The following TSPAN1 variants were observed in gnomAD, a reference collection of about 807,000 sequenced individuals.
TSPAN1 encodes the protein tetraspanin 1.
TSPAN1 carries 23 observed loss-of-function variants against 26.9 expected under a neutral mutation model. The observed-to-expected ratio is 0.85, with a 90% confidence interval of 0.62 to 1.21. The LOEUF is 1.21. Ranked by LOEUF, TSPAN1 falls within the 50% of genes most tolerant of loss-of-function variation. The pLI is 0.00. For missense variants in TSPAN1, 283 were observed against 298.4 expected (o/e 0.95, Z 0.38); for synonymous variants, 115 against 114.8 (o/e 1.00, Z -0.01).
chr1:46,178,460 C>T (rs1657237554), intron 1 of TSPAN1, among the ~76,000 whole-genome samples: 1 of 151,576 alleles, frequency 6.6e-6, no homozygotes, highest in Non-Finnish European at 1.5e-5. Flanking sequence ...CTTCATCCTC[C>T]TTTCTGTTTG....
intron 8 of TSPAN1, 62 bp from the exon 9 acceptor site, chr1:46,185,424 G>C: frequency 6.2e-7 from 1 of 1,611,082 alleles, no homozygotes; most frequent in South Asian, 1.1e-5. Context: ...TAGGGTGTCT[G>C]TGGGACAGGC....
At chr1:46,175,893 G>C in intron 1 of TSPAN1, 1 of 341,168 alleles carries the variant, frequency 2.9e-6, no homozygotes, top group Non-Finnish European at 5.2e-6. Flanking sequence ...TTTTTCTTGA[G>C]ACAGAGTCTA....
At chr1:46,176,610 G>T (rs1571632737) in intron 1 of TSPAN1, 1 of 1,059,122 alleles carries the variant, frequency 9.4e-7, no homozygotes, top group Non-Finnish European at 1.3e-6. Flanking sequence ...CATGGGTCAG[G>T]CTCCTTCACA....
chr1:46,194,825 T>TG, the TSPAN1 span: 3 of 1,613,836 alleles, frequency 1.9e-6, 1 homozygote, highest in South Asian at 1.1e-5. Flanking sequence ...ACAGAGTGGA[T>TG]GGCCTCTGAT....
chr1:46,193,769 C>T, the TSPAN1 span: 4 of 1,598,888 alleles, frequency 2.5e-6, no homozygotes, highest in Non-Finnish European at 3.4e-6. Context: ...TATTGCCTTT[C>T]TGCCCACCTC....
chr1:46,179,872 G>C (rs141161182), intron 1 of TSPAN1, among the ~76,000 whole-genome samples: 19 of 152,248 alleles, frequency 1.2e-4, no homozygotes, highest in African/African-American at 4.6e-4. Flanking sequence ...AGAGGATTAG[G>C]AACTATTTGC....
In TSPAN1 at chr1:46,176,153, G is replaced by A. The variant is rs1182155194; in HGVS notation, c.-142+744G>A. 20 of 1,499,066 alleles carry A rather than the reference G, an allele frequency of 1.3e-5. No individual in the cohort carries two copies. The South Asian group carries it at 2.1e-4, about 16-fold the overall frequency. 92.9% of individuals were successfully genotyped at this position (1,499,066 alleles called of 1,614,324 possible). On this transcript the variant is annotated intron_variant, in intron 1 of 8. Coordinates refer to ENST00000372003, the MANE Select transcript of TSPAN1 (RefSeq NM_005727.4). The stretch of plus-strand genomic sequence containing the variant: ...GCCTCCCAAAGTGCCGGGATTACAG[G>A]CATGAGCCACCGCACCCAGCCTAGT...
At chr1:46,182,730 T>C (rs1474855523) in intron 3 of TSPAN1, among the ~76,000 whole-genome samples, 1 of 152,132 alleles carries the variant, frequency 6.6e-6, no homozygotes, top group South Asian at 2.1e-4. Flanking sequence ...GAAGCGTGGG[T>C]AGACTCTCTA....
chr1:46,175,288 A>G lies in TSPAN1; in HGVS notation c.-263A>G. ...TGCAGTTAGGAGTGTAAGGCAAGAGAGCCCCTACTTCATGGGGCAGATCAA... is the reference window on the plus strand; with the variant it reads ...TGCAGTTAGGAGTGTAAGGCAAGAGGGCCCCTACTTCATGGGGCAGATCAA... On this transcript the variant is annotated 5_prime_UTR_variant, in exon 1 of 9. Coordinates refer to ENST00000372003, the MANE Select transcript of TSPAN1 (RefSeq NM_005727.4). The G allele has an allele frequency of 3.4e-6, 1 of 291,146 alleles. No homozygotes were observed. 18.0% of individuals were successfully genotyped at this position (291,146 alleles called of 1,614,324 possible). A position where few individuals can be genotyped will look rare whatever the true frequency, so the allele number is the denominator to read the frequency against.
downstream of TSPAN1, chr1:46,190,381 C>G (rs1292458635): frequency 6.8e-7 from 1 of 1,477,252 alleles, no homozygotes; most frequent in African/African-American, 1.4e-5. Context: ...CCCTGATTTT[C>G]ATTTTGCACA....
rs918408766 is a variant in TSPAN1, at chr1:46,185,639, T to G, written c.*106T>G. 11 of 1,294,804 alleles carry G rather than the reference T, an allele frequency of 8.5e-6. No individual in the cohort carries two copies. Among genetic ancestry groups the G allele is most frequent in the Middle Eastern group, 3.8e-4 (2 of 5,262 alleles). The allele number at this position is 1,294,804 out of a possible 1,614,324, so 80.2% of individuals were successfully genotyped here. On this transcript the variant is annotated 3_prime_UTR_variant, in exon 9 of 9. Transcript: ENST00000372003. ...GGGGACAGGATCTAACAATGTCACTTGGGCCAGAATGGACCTGCCCTTTCT... is the reference window on the plus strand; with the variant it reads ...GGGGACAGGATCTAACAATGTCACTGGGGCCAGAATGGACCTGCCCTTTCT...
the TSPAN1 span, chr1:46,195,578 G>C: frequency 1.7e-5 from 10 of 593,386 alleles, no homozygotes; most frequent in African/African-American, 1.8e-4. Flanking sequence ...TGAGGGTGGG[G>C]ACTCTGTCTT....
chr1:46,183,488 A>G (rs568223688), intron 3 of TSPAN1: 1 of 153,166 alleles, frequency 6.5e-6, no homozygotes, highest in African/African-American at 2.4e-5. Context: ...GATCTGTGGG[A>G]ACTGCGCAGG....
Position 46,185,600 on chromosome 1 carries a change from C to T in TSPAN1, c.*67C>T, listed in dbSNP as rs865970135. On this transcript the variant is annotated 3_prime_UTR_variant, in exon 9 of 9. Coordinates refer to ENST00000372003, the MANE Select transcript of TSPAN1 (RefSeq NM_005727.4). Reference sequence around the variant, plus strand: ...TGTGAAGAGGCACCCTGGCAAGCAGCAGTGATTGGGGGAGGGGACAGGATC... The same window carrying T: ...TGTGAAGAGGCACCCTGGCAAGCAGTAGTGATTGGGGGAGGGGACAGGATC... 14 of 1,558,322 alleles carry T rather than the reference C, an allele frequency of 9.0e-6. No individual in the cohort carries two copies. Among genetic ancestry groups the T allele is most frequent in the Middle Eastern group, 1.7e-4 (1 of 5,950 alleles).
In TSPAN1 at chr1:46,176,097, G is replaced by T. The variant is rs1037110749; in HGVS notation, c.-142+688G>T. 7 of 976,172 alleles carry T rather than the reference G, an allele frequency of 7.2e-6. No individual in the cohort carries two copies. The East Asian group carries it at 1.3e-4, about 18-fold the overall frequency. 60.5% of individuals were successfully genotyped at this position (976,172 alleles called of 1,614,324 possible). A position where few individuals can be genotyped will look rare whatever the true frequency, so the allele number is the denominator to read the frequency against. On this transcript the variant is annotated intron_variant, in intron 1 of 8. Transcript: ENST00000372003. ...TCACCGTGTTAGCCAGGATGGTCTC[G>T]ATCTCCTGACCTTGTGATCTGCCCG...
At chr1:46,190,924 C>T (rs1360746376), downstream of TSPAN1, 8 of 800,864 alleles carry the variant, frequency 1.0e-5, no homozygotes, top group Non-Finnish European at 1.7e-5. Context: ...CCGTCTTCTC[C>T]ATCCTCTTTG....
the TSPAN1 span, chr1:46,194,600 C>T: frequency 8.7e-6 from 14 of 1,614,086 alleles, no homozygotes; most frequent in Non-Finnish European, 1.2e-5. Context: ...GACTGGGTCC[C>T]CCCAGGAAGA....
intron 1 of TSPAN1, chr1:46,175,916 A>G (rs1657131614): frequency 9.3e-6 from 4 of 428,766 alleles, no homozygotes; most frequent in Non-Finnish European, 1.6e-5. Flanking sequence ...TCTGTCACCC[A>G]GGCTGGAGTG....
downstream of TSPAN1, chr1:46,189,752 G>C (rs1467825927): frequency 6.3e-7 from 1 of 1,575,154 alleles, no homozygotes; most frequent in Non-Finnish European, 8.6e-7. Context: ...ATAAAGAGGA[G>C]GTTCTGAGGT....
Sources: allele counts gnomAD v4.1 joint callset (sites outside exome capture counted in the v4.1 genomes callset), GRCh38; gene constraint gnomAD v4.1.1; transcripts MANE v1.5; gene names NCBI Gene and HGNC (gene_info 2026-07-23, HGNC 2026-07-21).